CCDC171: variants seen among roughly 807,000 people sequenced by gnomAD.
CCDC171 encodes the protein coiled-coil domain containing 171, also known as coiled-coil domain-containing protein 171.
CCDC171 carries 177 observed loss-of-function variants against 168.2 expected under a neutral mutation model. That is an observed-to-expected ratio of 1.05 (90% confidence interval 0.93 to 1.19). CCDC171 has a LOEUF of 1.19. CCDC171 is among the 50% of genes most tolerant of loss of function. CCDC171 has a pLI of 0.00. For missense variants in CCDC171, 1,991 were observed against 1,539.0 expected (o/e 1.29, Z -4.91); for synonymous variants, 687 against 540.8 (o/e 1.27, Z -3.75).
At chr9:15,733,437 G>C (rs2054277884) in intron 16 of CCDC171, among the ~76,000 whole-genome samples, 1 of 147,660 alleles carries the variant, frequency 6.8e-6, no homozygotes. Context: ...GATCAATTTT[G>C]AGTTAGTTTC....
chr9:15,988,227 G>A (rs1038301375), intron 3 of CCDC171, among the ~76,000 whole-genome samples: 1 of 152,140 alleles, frequency 6.6e-6, no homozygotes, highest in African/African-American at 2.4e-5. Flanking sequence ...CACCTATGAA[G>A]CTATGATGCT....
intron 11 of CCDC171, among the ~76,000 whole-genome samples, chr9:15,698,676 T>G (rs1021111588): frequency 2.0e-5 from 3 of 152,194 alleles, no homozygotes; most frequent in Non-Finnish European, 2.9e-5. Context: ...TGTGTCTGTA[T>G]GTGCGTGTAT....
rs781471382 is a variant in CCDC171 at position 15,721,862 on chromosome 9, A to G, written c.1412A>G (p.Asp471Gly). 1.3e-6 allele frequency: 2 copies of G among 1,544,038 alleles called. No homozygotes were observed. The highest frequency in any genetic ancestry group is 3.7e-5 in the Admixed American group (2 of 53,816). Residue 471 changes from aspartate to glycine, a missense_variant, in exon 12 of 26, where the codon GAT becomes GGT. By Grantham distance (94) the Asp-to-Gly change is moderately conservative (BLOSUM62 -1). Coordinates refer to ENST00000380701, the MANE Select transcript of CCDC171 (RefSeq NM_173550.4). Reference protein sequence around the residue: ...TLTDYQNKLEDASNEEKACNE... With the variant: ...TLTDYQNKLEGASNEEKACNE... Reference sequence around the variant, plus strand: ...ACAGATTACCAGAACAAGCTGGAAGATGCATCTAATGAGGTAACACTTGCA... The same window carrying G: ...ACAGATTACCAGAACAAGCTGGAAGGTGCATCTAATGAGGTAACACTTGCA...
intron 3 of CCDC171, among the ~76,000 whole-genome samples, chr9:15,994,365 T>A (rs1230240568): frequency 1.3e-5 from 2 of 152,056 alleles, no homozygotes; most frequent in African/African-American, 4.8e-5. Flanking sequence ...ATGTTCTCAC[T>A]CATAGGTGGG....
rs1411460727 is a variant in CCDC171 at position 15,682,020 on chromosome 9, G to GGT, written c.1215+3125_1215+3126dup. On this transcript the variant is annotated intron_variant, in intron 10 of 25. Transcript: ENST00000380701. Reference sequence around the variant, plus strand: ...ACAGGTAATTTTTCTTCCCTTTTGAGGTACCAGATTGTTTTCTAGTTTAGG... The same window carrying GGT: ...ACAGGTAATTTTTCTTCCCTTTTGAGGTGTACCAGATTGTTTTCTAGTTTAGG... 2.0e-5 allele frequency among the ~76,000 whole-genome samples: 3 copies of GGT among 151,878 alleles called. No homozygotes were observed. The East Asian group carries it at 5.8e-4, about 29-fold the overall frequency.
chr9:15,657,344 C>T (rs2048015418), intron 8 of CCDC171, 125 bp downstream of exon 8: 1 of 590,980 alleles, frequency 1.7e-6, no homozygotes, highest in African/African-American at 1.9e-5. Flanking sequence ...TGTTATGACA[C>T]TCATTATTGT....
intron 21 of CCDC171, among the ~76,000 whole-genome samples, chr9:15,825,053 G>A (rs115264550): frequency 0.012 from 1,849 of 152,128 alleles, 28 homozygotes; most frequent in African/African-American, 0.043. Context: ...AGTTCCTCTT[G>A]TGGTATGGAA....
At chr9:16,026,465 C>G (rs898652882) in intron 6 of CCDC171, among the ~76,000 whole-genome samples, 4 of 152,106 alleles carry the variant, frequency 2.6e-5, no homozygotes, top group African/African-American at 9.7e-5. Context: ...CCTCAAGGGC[C>G]CTTGCTCCTT....
chr9:15,951,481 T>C (rs1829164377), intron 25 of CCDC171, among the ~76,000 whole-genome samples: 2 of 152,102 alleles, frequency 1.3e-5, no homozygotes. Context: ...ATCTTCCATT[T>C]GCTTGGTAGA....
chr9:16,034,047 C>G (rs993937511), intron 6 of CCDC171, among the ~76,000 whole-genome samples: 14 of 152,214 alleles, frequency 9.2e-5, no homozygotes, highest in African/African-American at 2.7e-4. Flanking sequence ...GTTTGAAGAT[C>G]AAGTGCTTAT....
chr9:15,984,368 G>A (rs73413926), intron 3 of CCDC171, among the ~76,000 whole-genome samples: 2,730 of 152,116 alleles, frequency 0.018, 93 homozygotes, highest in African/African-American at 0.063. Context: ...ATGTAATTAA[G>A]CACAGTCTTT....
chr9:15,561,066 G>A (rs891678068), intron 1 of CCDC171, among the ~76,000 whole-genome samples: 1 of 152,114 alleles, frequency 6.6e-6, no homozygotes, highest in African/African-American at 2.4e-5. Flanking sequence ...CTTTTGTGTC[G>A]CTCACGCTGG....
At chr9:15,686,464 G>A (rs578065334) in intron 10 of CCDC171, among the ~76,000 whole-genome samples, 26 of 151,806 alleles carry the variant, frequency 1.7e-4, no homozygotes, top group Non-Finnish European at 3.2e-4. Context: ...GTAGTGAGCC[G>A]AGATCGCGCC....
At chr9:16,098,650 A>G in the CCDC171 span, among the ~76,000 whole-genome samples, 1 of 152,196 alleles carries the variant, frequency 6.6e-6, no homozygotes, top group African/African-American at 2.4e-5. Context: ...AGGGATTAAG[A>G]GTGCTCCTAA....
the CCDC171 span, among the ~76,000 whole-genome samples, chr9:16,095,866 GCA>G: frequency 9.8e-3 from 345 of 35,292 alleles, 3 homozygotes; most frequent in African/African-American, 0.043. Flanking sequence ...ACACACATAG[GCA>G]CATATATATA....
intron 2 of CCDC171, among the ~76,000 whole-genome samples, chr9:15,570,792 T>C (rs190084517): frequency 6.6e-6 from 1 of 152,232 alleles, no homozygotes; most frequent in Non-Finnish European, 1.5e-5. Context: ...TTTCCTTATA[T>C]AACTTTTAAC....
intron 25 of CCDC171, among the ~76,000 whole-genome samples, chr9:15,932,317 A>G (rs577480776): frequency 3.2e-4 from 49 of 151,720 alleles, no homozygotes; most frequent in African/African-American, 1.1e-3. Flanking sequence ...CAGTATAGAG[A>G]TTTTTCACAT....
chr9:15,768,838 G>A (rs1416411238), intron 18 of CCDC171, among the ~76,000 whole-genome samples: 2 of 152,140 alleles, frequency 1.3e-5, no homozygotes, highest in African/African-American at 2.4e-5. Context: ...ATGCATGTAA[G>A]CAGTGCTTGA....
chr9:15,759,371 C>A (rs74770339), intron 18 of CCDC171, among the ~76,000 whole-genome samples: 2 of 152,134 alleles, frequency 1.3e-5, no homozygotes, highest in African/African-American at 4.8e-5. Context: ...GTGTATTTCA[C>A]AGTTGCATTC....
Sources: allele counts gnomAD v4.1 joint callset (sites outside exome capture counted in the v4.1 genomes callset), GRCh38; gene constraint gnomAD v4.1.1; transcripts MANE v1.5; gene names NCBI Gene and HGNC (gene_info 2026-07-23, HGNC 2026-07-21).